PASD1: variants seen among roughly 807,000 people sequenced by gnomAD.
The protein encoded by PASD1 is circadian clock protein PASD1.
Under a neutral mutation model 58.8 loss-of-function variants are expected in PASD1, and 13 were observed. The observed-to-expected ratio is 0.22, with a 90% confidence interval of 0.14 to 0.35. PASD1 has a LOEUF of 0.35. Among genes scored for constraint, PASD1 ranks in the 10% least tolerant of loss-of-function variants. The pLI is 1.00. For synonymous variants in PASD1, 236 were observed against 216.7 expected, an observed-to-expected ratio of 1.09 and a Z score of -0.78; for missense variants, 734 against 568.3, an observed-to-expected ratio of 1.29 and a Z score of -2.96.
At chrX:151,565,066 G>A (rs2012814227) in intron 1 of PASD1, among the ~76,000 whole-genome samples, 1 of 112,118 alleles carries the variant, frequency 8.9e-6, no homozygotes, top group African/African-American at 3.2e-5. Flanking sequence ...TGCTCCAAAA[G>A]AGATCCAGGA....
At chrX:151,640,415 T>C (rs191737529) in intron 8 of PASD1, among the ~76,000 whole-genome samples, 2 of 111,882 alleles carry the variant, frequency 1.8e-5, no homozygotes, top group African/African-American at 6.5e-5. Context: ...AATATAAAAG[T>C]CAATATAGTA....
At chrX:151,614,246 A>T (rs2013608828) in intron 4 of PASD1, among the ~76,000 whole-genome samples, 1 of 111,416 alleles carries the variant, frequency 9.0e-6, no homozygotes, top group African/African-American at 3.3e-5. Flanking sequence ...CGGCCTCCCA[A>T]AGTGCTGGGA....
At chrX:151,599,992 C>T (rs928270990) in intron 1 of PASD1, among the ~76,000 whole-genome samples, 1 of 112,320 alleles carries the variant, frequency 8.9e-6, no homozygotes, top group Admixed American at 9.4e-5. Context: ...ACTGAGTGAG[C>T]GAGACTCTGT....
chrX:151,603,880 G>A (rs748860949), intron 2 of PASD1, among the ~76,000 whole-genome samples: 143 of 111,885 alleles, frequency 1.3e-3, no homozygotes, highest in African/African-American at 4.6e-3. Flanking sequence ...ATTTTTAATA[G>A]AGATCAAAGT....
chrX:151,566,973 G>A, intron 1 of PASD1, among the ~76,000 whole-genome samples: 1 of 109,037 alleles, frequency 9.2e-6, no homozygotes, highest in Admixed American at 1.0e-4. Flanking sequence ...TGACCTGGGA[G>A]GTGGAGGTTG....
At chrX:151,674,588 T>G (rs2014521385) in intron 15 of PASD1, among the ~76,000 whole-genome samples, 1 of 112,537 alleles carries the variant, frequency 8.9e-6, no homozygotes, top group Admixed American at 9.4e-5. Flanking sequence ...AAAAATAAAC[T>G]TAGGGCCCCT....
intron 8 of PASD1, among the ~76,000 whole-genome samples, chrX:151,632,638 TTCTACTAATTCTAC>T (rs1425690537): frequency 4.5e-5 from 5 of 111,945 alleles, no homozygotes; most frequent in Non-Finnish European, 9.4e-5. Flanking sequence ...ACTTGGCTAT[TTCTACTAATTCTAC>T]TCTACTAATT....
intron 1 of PASD1, among the ~76,000 whole-genome samples, chrX:151,565,583 G>A (rs1460951875): frequency 1.1e-5 from 1 of 93,477 alleles, no homozygotes; most frequent in African/African-American, 4.3e-5. Context: ...TTTTTGAGAC[G>A]GAGTCTCGCT....
In PASD1 at chrX:151,605,431, T is replaced by TGACC. The variant is rs200029244; in HGVS notation, c.117+698_117+701dup. Among the ~76,000 whole-genome samples, 789 of 111,665 alleles carry TGACC rather than the reference T, an allele frequency of 7.1e-3. 13 individuals are homozygous for TGACC. Among genetic ancestry groups the TGACC allele is most frequent in the African/African-American group, 0.025 (763 of 30,687 alleles). ...GTCCCTTTTCTCCTTCAGTACTGGCTGACCACCCAGCACTATGACCATTAG... is the reference window on the plus strand; with the variant it reads ...GTCCCTTTTCTCCTTCAGTACTGGCTGACCGACCACCCAGCACTATGACCATTAG... On this transcript the variant is annotated intron_variant, in intron 3 of 15. Coordinates refer to ENST00000370357, the MANE Select transcript of PASD1 (RefSeq NM_173493.3).
In PASD1 at chrX:151,597,847, C is replaced by T. The variant is rs534930113; in HGVS notation, c.-27-3680C>T. ...CCAGGTTCAAGCAATTCTCCTGCCT[C>T]AGCCTCCAGAGTAGCTGGGATTATA... On this transcript the variant is annotated intron_variant, in intron 1 of 15. Transcript: ENST00000370357. Among the ~76,000 whole-genome samples the T allele has an allele frequency of 8.2e-4, 92 of 111,646 alleles. 1 individual carries two copies. In the South Asian group the frequency reaches 0.011, roughly 13 times the overall value.
chrX:151,567,829 C>T (rs2012869756), intron 1 of PASD1, among the ~76,000 whole-genome samples: 1 of 112,015 alleles, frequency 8.9e-6, no homozygotes, highest in African/African-American at 3.2e-5. Context: ...TCAAGCGATC[C>T]TCTCACCTCA....
chrX:151,573,007 G>A (rs1411354454), intron 1 of PASD1, among the ~76,000 whole-genome samples: 2 of 82,557 alleles, frequency 2.4e-5, no homozygotes, highest in Non-Finnish European at 4.7e-5. Flanking sequence ...GGGGGTGCAG[G>A]AAGATGGGGT....
chrX:151,587,903 T>C (rs984518727), intron 1 of PASD1, among the ~76,000 whole-genome samples: 1 of 112,275 alleles, frequency 8.9e-6, no homozygotes, highest in East Asian at 2.8e-4. Context: ...TATTGTCTTA[T>C]GAGTTGTAAT....
chrX:151,568,879 GA>G (rs1457387977), intron 1 of PASD1, among the ~76,000 whole-genome samples: 1 of 111,394 alleles, frequency 9.0e-6, no homozygotes, highest in Non-Finnish European at 1.9e-5. Flanking sequence ...TGTGGTATCT[GA>G]TCCTCCTGAG....
chrX:151,627,751 C>G (rs1365170312), intron 8 of PASD1, among the ~76,000 whole-genome samples: 1 of 111,859 alleles, frequency 8.9e-6, no homozygotes, highest in Non-Finnish European at 1.9e-5. Context: ...AATGGTATTT[C>G]TAGTTCTAGA....
chrX:151,614,941 G>A (rs1602932564), intron 4 of PASD1, among the ~76,000 whole-genome samples: 1 of 111,410 alleles, frequency 9.0e-6, no homozygotes, highest in Non-Finnish European at 1.9e-5. Flanking sequence ...TATATTTGTA[G>A]GATACCAAAA....
intron 9 of PASD1, among the ~76,000 whole-genome samples, chrX:151,650,593 T>C (rs1458387737): frequency 8.9e-6 from 1 of 111,943 alleles, no homozygotes; most frequent in Non-Finnish European, 1.9e-5. Flanking sequence ...TTTTTAAAAC[T>C]GTATAATATT....
At chrX:151,614,536 A>T (rs150756202) in intron 4 of PASD1, among the ~76,000 whole-genome samples, 7,745 of 111,796 alleles carry the variant, frequency 0.069, 255 homozygotes, top group African/African-American at 0.12. Context: ...GTTAGCAAAA[A>T]GTTTTGGGAG....
intron 8 of PASD1, among the ~76,000 whole-genome samples, chrX:151,642,281 C>A (rs1419132154): frequency 9.0e-6 from 1 of 111,704 alleles, no homozygotes; most frequent in Non-Finnish European, 1.9e-5. Flanking sequence ...TTTCAAATTA[C>A]AAAATCCATT....
Sources: gnomAD v4.1 joint callset for allele counts (sites outside exome capture counted in the v4.1 genomes callset) on GRCh38, gnomAD v4.1.1 for gene constraint, MANE v1.5 for transcripts, NCBI Gene and HGNC (gene_info 2026-07-23, HGNC 2026-07-21) for gene names.